Variants in PALM2AKAP2 observed in about 807,000 individuals in gnomAD.
PALM2AKAP2 encodes PALM2-AKAP2 fusion protein.
In PALM2AKAP2, 37 loss-of-function variants were observed where a neutral mutation model predicts 71.5. The ratio of observed to expected loss-of-function variants is 0.52; its 90% CI spans 0.40 to 0.68. The LOEUF is 0.68. PALM2AKAP2 is among the 30% of genes least tolerant of loss of function. The pLI is 0.00. For missense variants in PALM2AKAP2, 1,224 were observed against 1,191.8 expected, an observed-to-expected ratio of 1.03 and a Z score of -0.40; for synonymous variants, 468 against 478.8, an observed-to-expected ratio of 0.98 and a Z score of 0.29.
At chr9:109,873,646 A>AG (rs1388615448) in intron 2 of PALM2AKAP2, among the ~76,000 whole-genome samples, 2 of 152,222 alleles carry the variant, frequency 1.3e-5, no homozygotes, top group Non-Finnish European at 2.9e-5. Flanking sequence ...AGTGAGGGTA[A>AG]GGAAGTCTTA....
chr9:110,012,220 G>A (rs1440725875), intron 6 of PALM2AKAP2, among the ~76,000 whole-genome samples: 2 of 152,130 alleles, frequency 1.3e-5, no homozygotes, highest in Non-Finnish European at 2.9e-5. Context: ...TTGTGCCTGA[G>A]AGGCGGAGGT....
At chr9:109,658,298 T>C (rs573655703) in intron 1 of PALM2AKAP2, among the ~76,000 whole-genome samples, 1 of 152,064 alleles carries the variant, frequency 6.6e-6, no homozygotes, top group Non-Finnish European at 1.5e-5. Context: ...GTAGGTAGTA[T>C]AGACAGAGAC....
At chr9:110,118,938 C>T (rs1050571435) in intron 1 of PALM2AKAP2, among the ~76,000 whole-genome samples, 17 of 152,138 alleles carry the variant, frequency 1.1e-4, no homozygotes, top group Admixed American at 9.2e-4. Context: ...GTAACGTGCT[C>T]TTTATAAAAT....
chr9:109,969,555 A>C (rs1393466414), intron 6 of PALM2AKAP2, among the ~76,000 whole-genome samples: 1 of 152,184 alleles, frequency 6.6e-6, no homozygotes, highest in Non-Finnish European at 1.5e-5. Context: ...TCTCCCACCC[A>C]AGGTCATGCA....
At chr9:109,761,740 A>G (rs987918735) in intron 1 of PALM2AKAP2, among the ~76,000 whole-genome samples, 95 of 152,304 alleles carry the variant, frequency 6.2e-4, no homozygotes, top group African/African-American at 2.2e-3. Context: ...TCCATGGTGT[A>G]TATGTGCCAC....
chr9:109,864,910 T>TCCATGGTATAGTCCTAG (rs1462339540), intron 1 of PALM2AKAP2, among the ~76,000 whole-genome samples: 1 of 152,086 alleles, frequency 6.6e-6, no homozygotes, highest in Non-Finnish European at 1.5e-5. Context: ...TTCATGGCCC[T>TCCATGGTATAGTCCTAG]CCATGGTATA....
At chr9:109,698,377 A>T (rs1350273429) in intron 1 of PALM2AKAP2, among the ~76,000 whole-genome samples, 1 of 149,456 alleles carries the variant, frequency 6.7e-6, no homozygotes, top group Non-Finnish European at 1.5e-5. Context: ...TCTCGGGTTC[A>T]AGCGATTCTT....
intron 1 of PALM2AKAP2, among the ~76,000 whole-genome samples, chr9:109,641,448 G>A (rs117215986): frequency 1.3e-5 from 2 of 152,362 alleles, no homozygotes; most frequent in Non-Finnish European, 2.9e-5. Flanking sequence ...GCAGCCCGGA[G>A]TGGAATTACA....
chr9:109,718,280 A>G (rs1587880526), intron 1 of PALM2AKAP2, among the ~76,000 whole-genome samples: 1 of 152,100 alleles, frequency 6.6e-6, no homozygotes, highest in East Asian at 1.9e-4. Flanking sequence ...GGGTTTTGCC[A>G]TGTTTTCCAG....
chr9:110,009,824 G>A (rs967276065), intron 6 of PALM2AKAP2, among the ~76,000 whole-genome samples: 5 of 151,900 alleles, frequency 3.3e-5, no homozygotes, highest in African/African-American at 1.2e-4. Context: ...AGATCCTCAT[G>A]TGTGTCCCTG....
chr9:109,743,690 T>C (rs189527404), intron 1 of PALM2AKAP2, among the ~76,000 whole-genome samples: 1 of 152,332 alleles, frequency 6.6e-6, no homozygotes, highest in Admixed American at 6.5e-5. Context: ...ATGTAAGCCT[T>C]CCTTAGGCAG....
intron 3 of PALM2AKAP2, among the ~76,000 whole-genome samples, chr9:109,919,518 CCT>C (rs1236913531): frequency 6.6e-6 from 1 of 151,952 alleles, no homozygotes; most frequent in Non-Finnish European, 1.5e-5. Context: ...GAAGGTGTGC[CCT>C]GTTTCCCTCC....
At chr9:110,032,998 G>T (rs2132420752) in intron 7 of PALM2AKAP2, among the ~76,000 whole-genome samples, 1 of 152,126 alleles carries the variant, frequency 6.6e-6, no homozygotes, top group South Asian at 2.1e-4. Flanking sequence ...TTTAAGCAGG[G>T]TCAAATTTTT....
At chr9:109,751,991 G>A (rs141091720) in intron 1 of PALM2AKAP2, among the ~76,000 whole-genome samples, 112 of 152,276 alleles carry the variant, frequency 7.4e-4, no homozygotes, top group Non-Finnish European at 7.5e-4. Context: ...AGATAACTAA[G>A]CAAAGCTTTT....
rs899505880 is a variant in PALM2AKAP2 at position 109,780,586 on chromosome 9, G to A, written c.45+53G>A. 11 of 1,611,198 alleles carry A rather than the reference G, an allele frequency of 6.8e-6. No homozygotes were observed. The African/African-American group carries it at 1.5e-4, about 22-fold the overall frequency. On this transcript the variant is annotated intron_variant, in intron 1 of 9. Coordinates refer to the PALM2AKAP2 transcript ENST00000302798. Reference sequence around the variant, plus strand: ...GCTCTATTGTCTGGGGTGGAAGGGGGCCCCCGAGGGTTTCGGGGCAAGCGG... The same window carrying A: ...GCTCTATTGTCTGGGGTGGAAGGGGACCCCCGAGGGTTTCGGGGCAAGCGG...
At chr9:109,893,482 C>T (rs538912487) in intron 3 of PALM2AKAP2, among the ~76,000 whole-genome samples, 8 of 152,230 alleles carry the variant, frequency 5.3e-5, no homozygotes, top group South Asian at 2.1e-4. Flanking sequence ...CTCACTCTGT[C>T]GCCCAGGCTG....
intron 2 of PALM2AKAP2, among the ~76,000 whole-genome samples, chr9:110,142,408 A>C (rs1314466344): frequency 1.3e-5 from 2 of 152,110 alleles, no homozygotes; most frequent in African/African-American, 4.8e-5. Flanking sequence ...TTGACTTTTA[A>C]AGGAAGAAGC....
chr9:109,931,776 G>T lies in PALM2AKAP2; in HGVS notation c.395-151G>T, dbSNP rs1166508961. 6 of 839,306 alleles carry T rather than the reference G, an allele frequency of 7.1e-6. No homozygotes were observed. The East Asian group carries it at 1.0e-4, about 15-fold the overall frequency. 52.0% of individuals were successfully genotyped at this position (839,306 alleles called of 1,614,324 possible). ...TACTCTGCTGAATACCAGTCACTGG[G>T]CAAATGCTTGTCTTTGTTTACCCTG... On this transcript the variant is annotated intron_variant, in intron 5 of 9. Coordinates refer to the PALM2AKAP2 transcript ENST00000302798.
At chr9:110,149,987 G>T (rs747256315) in intron 2 of PALM2AKAP2, among the ~76,000 whole-genome samples, 2 of 152,120 alleles carry the variant, frequency 1.3e-5, no homozygotes, top group African/African-American at 4.8e-5. Flanking sequence ...CCCCTGTCCC[G>T]CAAATTCGTA....
Sources: allele counts gnomAD v4.1 joint callset (sites outside exome capture counted in the v4.1 genomes callset), GRCh38; gene constraint gnomAD v4.1.1; transcripts MANE v1.5; gene names NCBI Gene and HGNC (gene_info 2026-07-23, HGNC 2026-07-21).